The following NCALD variants were observed in gnomAD, a reference collection of about 807,000 sequenced individuals.
NCALD encodes the protein neurocalcin-delta.
In NCALD, 10 loss-of-function variants were observed where a neutral mutation model predicts 18.6. The observed-to-expected ratio is 0.54, with a 90% CI of 0.33 to 0.91. The LOEUF (loss-of-function observed/expected upper bound fraction) is 0.91. Among genes scored for constraint, NCALD ranks in the 40% least tolerant of loss-of-function variants. The pLI, the probability that NCALD is intolerant of heterozygous loss-of-function variation, is 0.03. For synonymous variants in NCALD, 88 were observed against 87.4 expected (o/e 1.01, Z -0.04); for missense variants, 184 against 247.6 (o/e 0.74, Z 1.72).
chr8:101,736,409 G>A (rs902889825), intron 1 of NCALD, among the ~76,000 whole-genome samples: 18 of 152,298 alleles, frequency 1.2e-4, no homozygotes, highest in Middle Eastern at 3.4e-3. Flanking sequence ...GAAAGGAACA[G>A]AATTCCTATT....
intron 3 of NCALD, among the ~76,000 whole-genome samples, chr8:101,896,483 A>G (rs1817178444): frequency 6.6e-6 from 1 of 151,950 alleles, no homozygotes; most frequent in African/African-American, 2.4e-5. Context: ...AAACACCAAA[A>G]GCAATGGCAA....
Position 101,886,610 on chromosome 8 carries a change from G to A in NCALD, c.-20+531C>T, listed in dbSNP as rs549091571. Among the ~76,000 whole-genome samples the A allele has an allele frequency of 6.6e-4, 100 of 152,266 alleles. 2 individuals carry two copies. Among genetic ancestry groups the A allele is most frequent in the Admixed American group, 3.3e-3 (50 of 15,296 alleles). ...AGACTCATATCAACAAATTAGGAAAGTAATAATGTTCCTATTCTAACAGGA... is the reference window on the plus strand; with the variant it reads ...AGACTCATATCAACAAATTAGGAAAATAATAATGTTCCTATTCTAACAGGA... On this transcript the variant is annotated intron_variant, in intron 4 of 6. Transcript: ENST00000311028.
chr8:101,996,668 T>C (rs1821250702), intron 2 of NCALD, among the ~76,000 whole-genome samples: 1 of 152,168 alleles, frequency 6.6e-6, no homozygotes, highest in African/African-American at 2.4e-5. Flanking sequence ...AGAAGGTCCT[T>C]GCCTATGAAA....
intron 2 of NCALD, among the ~76,000 whole-genome samples, chr8:101,957,292 T>TTTTTG (rs1819667437): frequency 7.6e-6 from 1 of 131,916 alleles, no homozygotes; most frequent in Admixed American, 8.2e-5. Context: ...AGTTGGGGTT[T>TTTTTG]TTTTTTTTTT....
At chr8:101,710,467 C>A (rs190437057) in intron 2 of NCALD, among the ~76,000 whole-genome samples, 12 of 152,232 alleles carry the variant, frequency 7.9e-5, no homozygotes, top group Non-Finnish European at 1.3e-4. Flanking sequence ...AGTGGTCTTG[C>A]TCAGTGGGTC....
intron 4 of NCALD, among the ~76,000 whole-genome samples, chr8:101,801,106 GAGAA>G (rs1812833238): frequency 1.3e-5 from 2 of 150,026 alleles, no homozygotes; most frequent in South Asian, 2.1e-4. Context: ...GAAAAAGAAA[GAGAA>G]AGAAACAAAG....
chr8:101,879,505 C>G (rs60087234), intron 4 of NCALD, among the ~76,000 whole-genome samples: 2,359 of 152,186 alleles, frequency 0.016, 77 homozygotes, highest in African/African-American at 0.051. Context: ...CAGTACAGAC[C>G]CAAAGAGCAA....
rs77459577 is a variant in NCALD at position 101,776,870 on chromosome 8, A to G, written c.-20+13992T>C. ...GCGGACGCAACCTTTCTGCTAAAAC[A>G]AAACAGCTCTATTTAGACCTGCACT... On this transcript the variant is annotated intron_variant, in intron 1 of 3. Coordinates refer to ENST00000220931, the MANE Select transcript of NCALD (RefSeq NM_032041.3). 7.0e-3 allele frequency among the ~76,000 whole-genome samples: 1,070 copies of G among 152,314 alleles called. 34 individuals are homozygous for G. Among genetic ancestry groups the G allele is most frequent in the Admixed American group, 0.05 (759 of 15,278 alleles).
At chr8:101,862,765 C>A (rs1815597528) in intron 4 of NCALD, among the ~76,000 whole-genome samples, 1 of 152,182 alleles carries the variant, frequency 6.6e-6, no homozygotes, top group Admixed American at 6.5e-5. Flanking sequence ...GTCACATGCC[C>A]TGTCCTCAGC....
chr8:101,898,665 A>T (rs1817301643), intron 3 of NCALD, among the ~76,000 whole-genome samples: 1 of 151,922 alleles, frequency 6.6e-6, no homozygotes, highest in South Asian at 2.1e-4. Flanking sequence ...TAAGTGTATG[A>T]TCTATTTTGA....
At chr8:101,811,177 A>G (rs1447541125) in intron 4 of NCALD, among the ~76,000 whole-genome samples, 1 of 152,174 alleles carries the variant, frequency 6.6e-6, no homozygotes, top group Non-Finnish European at 1.5e-5. Flanking sequence ...AGAGGAATTA[A>G]AGTTGCCAAT....
chr8:101,780,439 A>G (rs566921871), intron 1 of NCALD, among the ~76,000 whole-genome samples: 1 of 152,280 alleles, frequency 6.6e-6, no homozygotes, highest in South Asian at 2.1e-4. Flanking sequence ...TTAATTTAGG[A>G]CTTTTAACAG....
intron 1 of NCALD, among the ~76,000 whole-genome samples, chr8:102,027,723 C>G (rs1822511389): frequency 6.6e-6 from 1 of 152,086 alleles, no homozygotes; most frequent in Admixed American, 6.6e-5. Context: ...ATATCTGAAC[C>G]AGGTAATTTA....
intron 4 of NCALD, among the ~76,000 whole-genome samples, chr8:101,811,390 G>A (rs1238701105): frequency 6.6e-6 from 1 of 152,120 alleles, no homozygotes; most frequent in Admixed American, 6.6e-5. Flanking sequence ...AGGAAAGGAA[G>A]TTGATCCTCT....
chr8:101,891,188 TACC>T (rs1341829697), intron 3 of NCALD, among the ~76,000 whole-genome samples: 4 of 152,210 alleles, frequency 2.6e-5, no homozygotes, highest in Admixed American at 6.5e-5. Context: ...ACATCCATGT[TACC>T]ACCACTACAA....
chr8:101,879,788 G>A (rs1816402803), intron 4 of NCALD, among the ~76,000 whole-genome samples: 1 of 152,124 alleles, frequency 6.6e-6, no homozygotes, highest in Non-Finnish European at 1.5e-5. Flanking sequence ...GCTAGACACA[G>A]AGCACTGATT....
chr8:102,012,117 C>T (rs1040104625), intron 2 of NCALD, among the ~76,000 whole-genome samples: 8 of 151,392 alleles, frequency 5.3e-5, no homozygotes, highest in Non-Finnish European at 1.0e-4. Flanking sequence ...ACTGGGAATG[C>T]AGAATGCTCT....
intron 1 of NCALD, among the ~76,000 whole-genome samples, chr8:101,762,321 T>C (rs781734312): frequency 3.9e-5 from 6 of 152,128 alleles, no homozygotes; most frequent in African/African-American, 1.4e-4. Flanking sequence ...AATACTATTA[T>C]ATGTACTATA....
At chr8:102,106,434 A>G (rs1825451057) in intron 1 of NCALD, among the ~76,000 whole-genome samples, 1 of 131,384 alleles carries the variant, frequency 7.6e-6, no homozygotes, top group South Asian at 2.3e-4. Context: ...GTGTAAAACT[A>G]TTAGCATATA....
Sources: gnomAD v4.1 joint callset for allele counts (sites outside exome capture counted in the v4.1 genomes callset) on GRCh38, gnomAD v4.1.1 for gene constraint, MANE v1.5 for transcripts, NCBI Gene and HGNC (gene_info 2026-07-23, HGNC 2026-07-21) for gene names.